Variants in TTN observed in about 807,000 individuals in gnomAD.
TTN encodes connectin.
In TTN, 1,525 loss-of-function variants were observed where a neutral mutation model predicts 3,223.0. That is an observed-to-expected ratio of 0.47 (90% CI 0.45 to 0.49). The LOEUF is 0.49. Among genes scored for constraint, TTN ranks in the 20% least tolerant of loss-of-function variants. The probability of loss-of-function intolerance (pLI) is 0.00; values close to 1 mark genes in which losing one functional copy is unlikely to be tolerated. For synonymous variants in TTN, 14,094 were observed against 15,161.0 expected (o/e 0.93, Z 5.17); for missense variants, 40,786 against 43,424.0 (o/e 0.94, Z 5.40).
chr2:178,565,965 G>A lies in TTN; in HGVS notation c.80167C>T (p.Arg26723Cys), dbSNP rs1412497882. 22 of 1,613,474 alleles carry A rather than the reference G, an allele frequency of 1.4e-5. No individual in the cohort carries two copies. The highest frequency in any genetic ancestry group is 2.2e-5 in the South Asian group (2 of 91,082). ...AKVKNYVIDK[R>C]ESTRKAYANV... is the part of the protein sequence containing the mutation. ...GCATACGCTTTTCTGGTTGACTCACGTTTGTCAATCACATAGTTCTTGACC... is the reference window on the plus strand; with the variant it reads ...GCATACGCTTTTCTGGTTGACTCACATTTGTCAATCACATAGTTCTTGACC... Residue 26723 changes from arginine (R) to cysteine (C), a missense_variant, in exon 326 of 363, where the codon CGT (arginine) becomes TGT (cysteine). Transcript: ENST00000589042.
At position 178,711,345 on chromosome 2, in the gene TTN, T is replaced by G. The variant is rs2076625407; in HGVS notation, c.27891A>C (p.Gln9297His). 6.2e-7 allele frequency: 1 copy of G among 1,604,888 alleles called. No homozygotes were observed. Among genetic ancestry groups the G allele is most frequent in the African/African-American group, 1.3e-5 (1 of 74,640 alleles). ...GTCGAGAAAATGATGGTGGAAGTTTTTGCTCTGTAGGAACAGAATAAAAGT... is the reference window on the plus strand; with the variant it reads ...GTCGAGAAAATGATGGTGGAAGTTTGTGCTCTGTAGGAACAGAATAAAAGT... ...SASTFLTVQE[Q>H]KLPPSFSRQL... is the part of the protein sequence containing the mutation. The change falls in exon 97 of 363, where the codon CAA becomes CAC. Residue 9297 changes from glutamine (Q) to histidine (H), a missense_variant. Gln to His is a conservative substitution (Grantham distance 24, BLOSUM62 0). Transcript: ENST00000589042.
In TTN at chr2:178,732,487, C is replaced by G. The variant is rs727503649; in HGVS notation, c.16574G>C (p.Ser5525Thr). 6.2e-7 allele frequency: 1 copy of G among 1,613,034 alleles called. No homozygotes were observed. ...GCATTCCACCCCTCCAGCGACATTG[C>G]TGACTTTACATGTGTACGTGCCCGA... is the stretch of plus-strand genomic sequence containing the variant. ...SDSGTYTCKV[S>T]NVAGGVECSA... Residue 5525 changes from serine to threonine, a missense_variant, in exon 56 of 363, where the codon AGC (serine) becomes ACC (threonine). Ser to Thr is a moderately conservative substitution (Grantham distance 58). Transcript: ENST00000589042.
rs1282657349 is a variant in TTN at position 178,666,926 on chromosome 2, T to C, written c.35798-25A>G. 11 of 1,499,266 alleles carry C rather than the reference T, an allele frequency of 7.3e-6. 1 individual carries two copies. The South Asian group carries it at 1.5e-4, about 20-fold the overall frequency. The allele number at this position is 1,499,266 out of a possible 1,614,324, so 92.9% of individuals were successfully genotyped here. On this transcript the variant is annotated intron_variant, in intron 162 of 362. Coordinates refer to ENST00000589042, the MANE Select transcript of TTN (RefSeq NM_001267550.2). ...TCTTTAAAGATATTAGTATTTTTTT[T>C]AATTGAGAAAAGGCAAAGGCATAAA...
rs2154188219 is a variant in TTN, at chr2:178,595,562, A to C, written c.57792T>G (p.Ile19264Met). The C allele has an allele frequency of 1.3e-6, 2 of 1,574,042 alleles. No individual in the cohort carries two copies. The highest frequency in any genetic ancestry group is 4.6e-5 in the East Asian group (2 of 43,028). The change falls in exon 295 of 363, where the codon ATT becomes ATG. Residue 19264 changes from isoleucine (I) to methionine (M), a missense_variant. Transcript: ENST00000589042. ...YFFRIAAENS[I>M]GMGPFVETSE... The stretch of plus-strand genomic sequence containing the variant: ...ATGTCTCAACAAATGGACCCATGCC[A>C]ATACTATTTTCAGCCGCAATTCGGA...
Position 178,551,984 on chromosome 2 carries a change from C to G in TTN, c.90916G>C (p.Gly30306Arg). The part of the protein sequence containing the change: ...QFRVRAENRY[G>R]VSQPLVSSII... ...CTTGAGACAAGTGGTTGGCTGACTC[C>G]GTATCTGTTTTCTGCTCTCACTCTA... The change falls in exon 335 of 363, where the codon GGA becomes CGA. Residue 30306 changes from glycine (G) to arginine (R), a missense_variant. Physicochemically the swap from Gly to Arg is moderately radical, Grantham distance 125. Transcript: ENST00000589042. 1 of 1,611,708 alleles carries G rather than the reference C, an allele frequency of 6.2e-7. No individual in the cohort carries two copies. Among genetic ancestry groups the G allele is most frequent in the Middle Eastern group, 1.7e-4 (1 of 6,052 alleles).
intron 150 of TTN, 69 bp downstream of exon 150, chr2:178,674,970 A>T: frequency 2.2e-6 from 2 of 897,400 alleles, no homozygotes; most frequent in Non-Finnish European, 3.2e-6. Context: ...ACATTTACCT[A>T]CTTCAAATAT....
Position 178,704,913 on chromosome 2 carries a change from A to T in TTN, c.29658T>A (p.Leu9886=). 1.2e-6 allele frequency: 2 copies of T among 1,613,436 alleles called. No individual in the cohort carries two copies. Among genetic ancestry groups the T allele is most frequent in the South Asian group, 1.1e-5 (1 of 91,034 alleles). The change falls in exon 104 of 363, where the codon CTT becomes CTA. Residue 9886 remains leucine (L), a synonymous_variant. Coordinates refer to ENST00000589042, the MANE Select transcript of TTN (RefSeq NM_001267550.2). Reference sequence around the variant, plus strand: ...ACAGTCTTTGCTGAATAAATGATACAAGTTCCTCAAATTCCTTTTCGTCCC... The same window carrying T: ...ACAGTCTTTGCTGAATAAATGATACTAGTTCCTCAAATTCCTTTTCGTCCC... The part of the protein sequence containing the change: ...SERDEKEFEE[L]VSFIQQRLSQ...
Position 178,664,950 on chromosome 2 carries a change from A to G in TTN, c.36044-24T>C, listed in dbSNP as rs559225233. 26 of 1,590,154 alleles carry G rather than the reference A, an allele frequency of 1.6e-5. No individual in the cohort carries two copies. In the South Asian group the frequency reaches 2.6e-4, roughly 16 times the overall value. On this transcript the variant is annotated intron_variant, in intron 165 of 362. Coordinates refer to ENST00000589042, the MANE Select transcript of TTN (RefSeq NM_001267550.2). ...CGCTTGAAAGATATTAGCAATTCACATTTAAGAGTTAAAATGATTAATGGA... is the reference window on the plus strand; with the variant it reads ...CGCTTGAAAGATATTAGCAATTCACGTTTAAGAGTTAAAATGATTAATGGA...
In TTN at chr2:178,634,382, AG is replaced by A; in HGVS notation, c.42398del (p.Ala14133ValfsTer8). On this transcript the variant is annotated frameshift_variant, in exon 230 of 363. Coordinates refer to ENST00000589042, the MANE Select transcript of TTN (RefSeq NM_001267550.2). LOFTEE classifies it high-confidence loss of function. The surrounding 1 kb of genome is among the most constrained non-coding windows in gnomAD (Gnocchi z 4.6). ...CTCGCTTACCTGTGACAAACAACCG[AG>A]CTGAGGTCTTCTTGCCCTCCACCTC... ...TAEVEGKKTS[A>X]RLFVTGIRLK... The A allele has an allele frequency of 6.2e-7, 1 of 1,608,286 alleles. No homozygotes were observed. The highest frequency in any genetic ancestry group is 8.5e-7 in the Non-Finnish European group (1 of 1,178,460).
chr2:178,714,386 A>G lies in TTN; in HGVS notation c.26388T>C (p.Phe8796=). The change falls in exon 91 of 363, where the codon TTT becomes TTC. Residue 8796 remains phenylalanine (F), a synonymous_variant. Transcript: ENST00000589042. The part of the protein sequence containing the change: ...SYSENIATLQ[F]SRVEPANAGK... Reference sequence around the variant, plus strand: ...CAGCATTGGCTGGTTCCACTCTTGAAAACTGTAAGGTTGCAATGTTTTCTG... The same window carrying G: ...CAGCATTGGCTGGTTCCACTCTTGAGAACTGTAAGGTTGCAATGTTTTCTG... 6.2e-7 allele frequency: 1 copy of G among 1,613,802 alleles called. No individual in the cohort carries two copies. The highest frequency in any genetic ancestry group is 1.1e-5 in the South Asian group (1 of 91,084).
chr2:178,564,239 T>C lies in TTN; in HGVS notation c.81893A>G (p.Asp27298Gly). 1 of 1,613,372 alleles carries C rather than the reference T, an allele frequency of 6.2e-7. No homozygotes were observed. The highest frequency in any genetic ancestry group is 1.1e-5 in the South Asian group (1 of 91,090). The change falls in exon 326 of 363, where the codon GAC becomes GGC. Residue 27298 changes from aspartate to glycine, a missense_variant. Asp to Gly is a moderately conservative substitution (Grantham distance 94). Coordinates refer to ENST00000589042, the MANE Select transcript of TTN (RefSeq NM_001267550.2). ...ATCAGGTATAGGTTTGCCACGGATG[T>C]CGGCTTCAAGAACAAAAGTCTCTCC... ...HAGETFVLEA[D>G]IRGKPIPDVV...
rs397517532 is a variant in TTN, at chr2:178,702,075, TA to T, written c.30512-10del. On this transcript the variant is annotated splice_polypyrimidine_tract_variant and intron_variant, in intron 108 of 362. Transcript: ENST00000589042. ...CAGCTCAAGTTTGATTTCTGCAAAA[TA>T]AAAAAAAAATGATATTTTTGTGTTC... 1,046 of 1,465,442 alleles carry T rather than the reference TA, an allele frequency of 7.1e-4. No individual in the cohort carries two copies. Among genetic ancestry groups the T allele is most frequent in the South Asian group, 1.3e-3 (104 of 81,576 alleles). 90.8% of individuals were successfully genotyped at this position (1,465,442 alleles called of 1,614,324 possible).
At position 178,591,168 on chromosome 2, in the gene TTN, G is replaced by C. The variant is rs746586306; in HGVS notation, c.60557C>G (p.Pro20186Arg). The C allele has an allele frequency of 6.2e-7, 1 of 1,613,358 alleles. No individual in the cohort carries two copies. Among genetic ancestry groups the C allele is most frequent in the Non-Finnish European group, 8.5e-7 (1 of 1,179,554 alleles). ...TGPINILDVT[P>R]EHMTISWQPP... ...CTGCCATGAGATAGTCATGTGTTCAGGAGTAACATCCAGAATATTAATAGG... is the reference window on the plus strand; with the variant it reads ...CTGCCATGAGATAGTCATGTGTTCACGAGTAACATCCAGAATATTAATAGG... Residue 20186 changes from proline to arginine, a missense_variant, in exon 304 of 363, where the codon CCT becomes CGT. Transcript: ENST00000589042.
At position 178,640,574 on chromosome 2, in the gene TTN, T is replaced by C. The variant is rs758942655; in HGVS notation, c.40690A>G (p.Lys13564Glu). ...GGTTCAGGAATCTTCCTTTCCCTTT[T>C]TGTAACAGTAGGTACTTCAACCTCT... ...VEEVEVPTVTKRERKIPEPTK... is the reference protein window; with the variant it reads ...VEEVEVPTVTERERKIPEPTK... Residue 13564 changes from lysine to glutamate, a missense_variant, in exon 221 of 363, where the codon AAA becomes GAA. Coordinates refer to ENST00000589042, the MANE Select transcript of TTN (RefSeq NM_001267550.2). 2.5e-6 allele frequency: 4 copies of C among 1,602,350 alleles called. No individual in the cohort carries two copies. In the Admixed American group the frequency reaches 5.2e-5, roughly 21 times the overall value.
chr2:178,742,012 T>G, intron 47 of TTN, 91 bp from the exon 48 acceptor site: 1 of 956,078 alleles, frequency 1.0e-6, no homozygotes. Flanking sequence ...TTGATGGCCT[T>G]CTTCTGCTTT....
At chr2:178,747,728 T>C (rs537545841) in intron 47 of TTN, 1 of 1,611,826 alleles carries the variant, frequency 6.2e-7, no homozygotes. Flanking sequence ...ATGTGCCTCA[T>C]CTAATTTAGG....
intron 131 of TTN, 25 bp from the exon 132 acceptor site, chr2:178,684,438 G>A (rs899665441): frequency 1.2e-6 from 2 of 1,607,238 alleles, no homozygotes; most frequent in Non-Finnish European, 1.7e-6. Context: ...TTAGGATTAG[G>A]GAGTTATATC....
chr2:178,772,256 C>T (rs1905520), intron 33 of TTN, among the ~76,000 whole-genome samples: 9,596 of 151,892 alleles, frequency 0.063, 475 homozygotes, highest in South Asian at 0.17. Context: ...TTTCATGGTC[C>T]GATCTCTGAA....
chr2:178,628,434 G>C (rs2059356968), intron 240 of TTN, among the ~76,000 whole-genome samples: 1 of 151,922 alleles, frequency 6.6e-6, no homozygotes, highest in South Asian at 2.1e-4. Flanking sequence ...TCCAACCCAG[G>C]CTGGACATAT....
Sources: allele counts gnomAD v4.1 joint callset (sites outside exome capture counted in the v4.1 genomes callset), GRCh38; gene constraint gnomAD v4.1.1; non-coding constraint Gnocchi (gnomAD v3.1); transcripts MANE v1.5; gene names NCBI Gene and HGNC (gene_info 2026-07-23, HGNC 2026-07-21).